UGT1A10: variants seen among roughly 807,000 people sequenced by gnomAD.
UGT1A10 encodes UDP glucuronosyltransferase family 1 member A10.
Under a neutral mutation model 45.8 loss-of-function variants are expected in UGT1A10, and 49 were observed. The observed-to-expected ratio is 1.07, with a 90% CI of 0.85 to 1.36. UGT1A10 has a LOEUF of 1.36. UGT1A10 is among the 40% of genes most tolerant of loss of function. The pLI is 0.00. For synonymous variants in UGT1A10, 284 were observed against 249.7 expected, an observed-to-expected ratio of 1.14 and a Z score of -1.29; for missense variants, 745 against 668.6, an observed-to-expected ratio of 1.11 and a Z score of -1.26.
intron 1 of UGT1A10, chr2:233,755,373 C>A (rs534555830): frequency 2.8e-6 from 1 of 357,666 alleles, no homozygotes; most frequent in South Asian, 2.2e-5. Context: ...GCCTGGAGGG[C>A]CGCCCCTTAT....
intron 1 of UGT1A10, among the ~76,000 whole-genome samples, chr2:233,674,864 T>C (rs1297061009): frequency 6.6e-6 from 1 of 152,180 alleles, no homozygotes; most frequent in Non-Finnish European, 1.5e-5. Context: ...AAATTGTCAT[T>C]GACAGAAGGA....
rs993277218 is a variant in UGT1A10 at position 233,747,483 on chromosome 2, C to T, written c.856-19551C>T. 8 of 1,608,492 alleles carry T rather than the reference C, an allele frequency of 5.0e-6. No individual in the cohort carries two copies. The Admixed American group carries it at 5.0e-5, about 10-fold the overall frequency. Reference sequence around the variant, plus strand: ...TTCATGGACCCAGGATGAATTTGATCGCCTTGTGCTGGGCCACACTCAACT... The same window carrying T: ...TTCATGGACCCAGGATGAATTTGATTGCCTTGTGCTGGGCCACACTCAACT... On this transcript the variant is annotated intron_variant, in intron 1 of 4. Coordinates refer to ENST00000344644, the MANE Select transcript of UGT1A10 (RefSeq NM_019075.4).
intron 1 of UGT1A10, among the ~76,000 whole-genome samples, chr2:233,726,869 C>T (rs1231385710): frequency 3.3e-5 from 5 of 152,180 alleles, no homozygotes; most frequent in African/African-American, 9.7e-5. Flanking sequence ...CTTCTATTCT[C>T]CAGGCTTCAG....
intron 1 of UGT1A10, among the ~76,000 whole-genome samples, chr2:233,707,023 C>G (rs892519669): frequency 1.1e-4 from 16 of 152,136 alleles, no homozygotes; most frequent in African/African-American, 3.6e-4. Flanking sequence ...CATGGTCAGC[C>G]AGCCCCCAAG....
intron 1 of UGT1A10, among the ~76,000 whole-genome samples, chr2:233,664,062 T>A (rs1181824780): frequency 6.6e-6 from 1 of 152,166 alleles, no homozygotes; most frequent in Non-Finnish European, 1.5e-5. Context: ...AGTTTAAAGT[T>A]CCACAGATTC....
chr2:233,734,986 T>C (rs946842672), intron 1 of UGT1A10, among the ~76,000 whole-genome samples: 1 of 152,248 alleles, frequency 6.6e-6, no homozygotes, highest in Non-Finnish European at 1.5e-5. Context: ...AGAATGTATA[T>C]TCTCTTGACT....
At chr2:233,735,242 T>C (rs989843667) in intron 1 of UGT1A10, among the ~76,000 whole-genome samples, 1 of 152,236 alleles carries the variant, frequency 6.6e-6, no homozygotes, top group Non-Finnish European at 1.5e-5. Context: ...CTCTTGTTGT[T>C]GAATTGCTCC....
intron 1 of UGT1A10, among the ~76,000 whole-genome samples, chr2:233,736,444 A>G (rs1261930355): frequency 1.3e-5 from 2 of 152,138 alleles, no homozygotes; most frequent in Non-Finnish European, 2.9e-5. Flanking sequence ...CTTCCTTGCA[A>G]TAGGTTCGAA....
intron 1 of UGT1A10, among the ~76,000 whole-genome samples, chr2:233,649,426 C>T (rs1358098430): frequency 6.6e-6 from 1 of 152,130 alleles, no homozygotes; most frequent in African/African-American, 2.4e-5. Flanking sequence ...TTTAACTAAC[C>T]TGTACTACCT....
chr2:233,753,461 T>C (rs1419895967), intron 1 of UGT1A10: 1 of 152,272 alleles, frequency 6.6e-6, no homozygotes, highest in Non-Finnish European at 1.5e-5. Context: ...ATGATTTTTC[T>C]GTAAAAAATT....
Position 233,769,626 on chromosome 2 carries a change from C to A in UGT1A10, c.1295+1187C>A. 2 of 1,612,112 alleles carry A rather than the reference C, an allele frequency of 1.2e-6. No individual in the cohort carries two copies. The highest frequency in any genetic ancestry group is 1.7e-6 in the Non-Finnish European group (2 of 1,179,588). The stretch of plus-strand genomic sequence containing the variant: ...GGGACACACCAGCTTGAGCAAGGGA[C>A]AACAGGGGAGGACTGATGACTGACT... On this transcript the variant is annotated intron_variant, in intron 4 of 4. Transcript: ENST00000344644. The surrounding 1 kb of genome is among the most constrained non-coding windows in gnomAD (Gnocchi z 4.4).
Position 233,769,475 on chromosome 2 carries a change from G to C in UGT1A10, c.1295+1036G>C. 1.2e-6 allele frequency: 2 copies of C among 1,611,166 alleles called. No individual in the cohort carries two copies. Among genetic ancestry groups the C allele is most frequent in the Non-Finnish European group, 1.7e-6 (2 of 1,178,526 alleles). On this transcript the variant is annotated intron_variant, in intron 4 of 4. Coordinates refer to ENST00000344644, the MANE Select transcript of UGT1A10 (RefSeq NM_019075.4). The surrounding 1 kb of genome is among the most constrained non-coding windows in gnomAD (Gnocchi z 4.4). ...TGTGCATTCATATGCGTGTGTGTGT[G>C]TGTGCGTGTGTTTATGAGAGTGTCC...
intron 1 of UGT1A10, among the ~76,000 whole-genome samples, chr2:233,712,053 A>G (rs1487339594): frequency 2.6e-5 from 4 of 152,208 alleles, no homozygotes; most frequent in Non-Finnish European, 4.4e-5. Context: ...AAAAAGCCTG[A>G]CCATAATCTT....
At chr2:233,753,891 G>C (rs2125923136) in intron 1 of UGT1A10, among the ~76,000 whole-genome samples, 1 of 152,280 alleles carries the variant, frequency 6.6e-6, no homozygotes, top group East Asian at 1.9e-4. Context: ...CCTTCAGAAG[G>C]AACATGCTTC....
In UGT1A10 at chr2:233,768,384, G is replaced by A; in HGVS notation, c.1240G>A (p.Glu414Lys). 2 of 1,614,136 alleles carry A rather than the reference G, an allele frequency of 1.2e-6. No individual in the cohort carries two copies. Among genetic ancestry groups the A allele is most frequent in the Non-Finnish European group, 1.7e-6 (2 of 1,180,028 alleles). ...KGAGVTLNVLEMTSEDLENAL... is the reference protein window; with the variant it reads ...KGAGVTLNVLKMTSEDLENAL... ...AGCTGGAGTGACCCTGAATGTTCTGGAAATGACTTCTGAAGATTTAGAAAA... is the reference window on the plus strand; with the variant it reads ...AGCTGGAGTGACCCTGAATGTTCTGAAAATGACTTCTGAAGATTTAGAAAA... The change falls in exon 4 of 5, where the codon GAA becomes AAA. Residue 414 changes from glutamate (E) to lysine (K), a missense_variant. By Grantham distance (56) the Glu-to-Lys change is moderately conservative. Transcript: ENST00000344644.
intron 1 of UGT1A10, chr2:233,729,500 A>G (rs761749165): frequency 6.2e-7 from 1 of 1,614,228 alleles, no homozygotes; most frequent in African/African-American, 1.3e-5. Flanking sequence ...TTGGTCTATC[A>G]TAGGTCTTGT....
At chr2:233,668,226 C>T (rs1204628558) in intron 1 of UGT1A10, among the ~76,000 whole-genome samples, 1 of 152,098 alleles carries the variant, frequency 6.6e-6, no homozygotes, top group Non-Finnish European at 1.5e-5. Context: ...TCTCGACAGG[C>T]CCCGGTGTGC....
chr2:233,718,135 A>C, intron 1 of UGT1A10: 1 of 229,592 alleles, frequency 4.4e-6, no homozygotes, highest in Non-Finnish European at 9.1e-6. Flanking sequence ...GTAGATGGAG[A>C]ATCCTCAATA....
intron 1 of UGT1A10, among the ~76,000 whole-genome samples, chr2:233,749,628 C>A (rs1475485120): frequency 6.6e-6 from 1 of 151,798 alleles, no homozygotes; most frequent in Non-Finnish European, 1.5e-5. Context: ...GGCTCTGTAT[C>A]CCCCACCAAA....
Sources: allele counts gnomAD v4.1 joint callset (sites outside exome capture counted in the v4.1 genomes callset), GRCh38; gene constraint gnomAD v4.1.1; non-coding constraint Gnocchi (gnomAD v3.1); transcripts MANE v1.5; gene names NCBI Gene and HGNC (gene_info 2026-07-23, HGNC 2026-07-21).